The following SYPL1 variants were observed in gnomAD, a reference collection of about 807,000 sequenced individuals.
SYPL1 encodes synaptophysin like 1.
In SYPL1, 6 loss-of-function variants were observed where a neutral mutation model predicts 23.7. The ratio of observed to expected loss-of-function variants is 0.25; its 90% confidence interval spans 0.14 to 0.50. The LOEUF (loss-of-function observed/expected upper bound fraction) is 0.50, where lower values mean the gene tolerates loss of function less well. Ranked by LOEUF, SYPL1 falls within the 20% of genes least tolerant of loss-of-function variation. SYPL1 has a pLI of 0.98. For synonymous variants in SYPL1, 102 were observed against 104.5 expected (o/e 0.98, Z 0.15); for missense variants, 253 against 288.9 (o/e 0.88, Z 0.90).
intron 1 of SYPL1, among the ~76,000 whole-genome samples, chr7:106,102,096 C>CTTT (rs564357480): frequency 6.8e-6 from 1 of 147,034 alleles, no homozygotes; most frequent in Non-Finnish European, 1.5e-5. Flanking sequence ...AAGATTACAA[C>CTTT]TTTTTTTTTT....
rs1175221297 is a variant in SYPL1 at position 106,095,910 on chromosome 7, G to A, written c.402+1780C>T. Among the ~76,000 whole-genome samples, 1 of 151,988 alleles carries A rather than the reference G, an allele frequency of 6.6e-6. No homozygotes were observed. Among genetic ancestry groups the A allele is most frequent in the African/African-American group, 2.4e-5 (1 of 41,362 alleles). ...CAAAAACCACCTACAAAAATAGATT[G>A]GAATGCTGCTTTAAGAAGGGTAGTA... On this transcript the variant is annotated intron_variant, in intron 3 of 4. Transcript: ENST00000455385. This position sits in a 1 kb window ranked among gnomAD's most constrained non-coding sequence, Gnocchi z 4.3.
At position 106,096,987 on chromosome 7, in the gene SYPL1, G is replaced by C. The variant is rs1047020953; in HGVS notation, c.402+703C>G. Among the ~76,000 whole-genome samples the C allele has an allele frequency of 6.7e-6, 1 of 150,044 alleles. No individual in the cohort carries two copies. The highest frequency in any genetic ancestry group is 6.6e-5 in the Admixed American group (1 of 15,262). On this transcript the variant is annotated intron_variant, in intron 3 of 4. Transcript: ENST00000455385. This position sits in a 1 kb window ranked among gnomAD's most constrained non-coding sequence, Gnocchi z 4.4. ...CCCAGCACTTTGGGAGGCCAAGGCA[G>C]GCAGATCACTTGAGCCCAGGAGTTT...
chr7:106,110,643 A>G (rs1790097264), intron 1 of SYPL1, among the ~76,000 whole-genome samples: 1 of 152,236 alleles, frequency 6.6e-6, no homozygotes. Flanking sequence ...GTTCAAACTG[A>G]AAGTATTTCT....
chr7:106,097,776 A>G lies in SYPL1; in HGVS notation c.316T>C (p.Phe106Leu). ...GCAGCAATGCAGTACAGGAACACAA[A>G]GACTGCAAAGGTAACATAGAATTGT... Reference protein sequence around the residue: ...SAQFYVTFAVFVFLYCIAALL... With the variant: ...SAQFYVTFAVLVFLYCIAALL... The change falls in exon 3 of 5, where the codon TTT (phenylalanine) becomes CTT (leucine). Residue 106 changes from phenylalanine to leucine, a missense_variant. Physicochemically the swap from Phe to Leu is conservative, Grantham distance 22. Coordinates refer to ENST00000455385, the MANE Select transcript of SYPL1 (RefSeq NM_182715.4). The surrounding 1 kb of genome is among the most constrained non-coding windows in gnomAD (Gnocchi z 4.6). 1 of 1,614,108 alleles carries G rather than the reference A, an allele frequency of 6.2e-7. No homozygotes were observed. The highest frequency in any genetic ancestry group is 8.5e-7 in the Non-Finnish European group (1 of 1,179,970).
At chr7:106,106,394 C>A (rs750611289) in intron 1 of SYPL1, among the ~76,000 whole-genome samples, 1 of 151,424 alleles carries the variant, frequency 6.6e-6, no homozygotes, top group East Asian at 1.9e-4. Context: ...CTAAAAATAT[C>A]AAAAAAAATT....
intron 1 of SYPL1, among the ~76,000 whole-genome samples, chr7:106,106,299 G>A (rs1231095418): frequency 6.6e-6 from 1 of 152,112 alleles, no homozygotes; most frequent in Admixed American, 6.5e-5. Context: ...TGTAATCCCA[G>A]CACTTTGGGA....
intron 1 of SYPL1, among the ~76,000 whole-genome samples, chr7:106,108,200 T>C (rs1840712950): frequency 6.6e-6 from 1 of 152,136 alleles, no homozygotes; most frequent in Non-Finnish European, 1.5e-5. Context: ...TTTAAAAATT[T>C]AAAATATAAT....
rs774787949 is a variant in SYPL1, at chr7:106,099,313, G to GA, written c.70-32dup. 3.7e-4 allele frequency: 586 copies of GA among 1,577,054 alleles called. 3 individuals are homozygous for GA. Among genetic ancestry groups the GA allele is most frequent in the Non-Finnish European group, 5.2e-5 (61 of 1,166,916 alleles). On this transcript the variant is annotated intron_variant, in intron 1 of 4. Transcript: ENST00000455385. ...CAAAGTAAGATGAAAAAAGACAAAA[G>GA]AAAAAAAAGATAAGCAATACTACAA... is the stretch of plus-strand genomic sequence containing the variant.
At chr7:106,094,871 G>A (rs1241584559) in intron 3 of SYPL1, among the ~76,000 whole-genome samples, 1 of 152,070 alleles carries the variant, frequency 6.6e-6, no homozygotes, top group East Asian at 1.9e-4. Context: ...TGAAAATGAT[G>A]CACAAAGTAA....
At chr7:106,107,362 A>G (rs1340748066) in intron 1 of SYPL1, among the ~76,000 whole-genome samples, 1 of 152,238 alleles carries the variant, frequency 6.6e-6, no homozygotes, top group Non-Finnish European at 1.5e-5. Flanking sequence ...AAAGTGCTTC[A>G]GTTTCACTCT....
Position 106,112,164 on chromosome 7 carries a change from G to T in SYPL1, c.45C>A (p.Leu15=), listed in dbSNP as rs147008337. ...QINLNPLKEP[L]GFIKVLEWIA... is the part of the protein sequence containing the mutation. ...CCCACTCGAGGACCTTGATGAAGCC[G>T]AGTGGCTCCTTGAGCGGGTTGAGGT... Residue 15 remains leucine, a synonymous_variant, in exon 1 of 5, where the codon CTC becomes CTA. Coordinates refer to ENST00000455385, the MANE Select transcript of SYPL1 (RefSeq NM_182715.4). 175 of 1,543,866 alleles carry T rather than the reference G, an allele frequency of 1.1e-4. No homozygotes were observed. In the African/African-American group the frequency reaches 2.0e-3, roughly 18 times the overall value.
At chr7:106,094,666 A>G (rs916760420) in intron 3 of SYPL1, among the ~76,000 whole-genome samples, 1 of 152,184 alleles carries the variant, frequency 6.6e-6, no homozygotes, top group African/African-American at 2.4e-5. Flanking sequence ...AAAACTGATG[A>G]GTAACATGAG....
chr7:106,101,724 C>T (rs939518109), intron 1 of SYPL1, among the ~76,000 whole-genome samples: 3 of 146,892 alleles, frequency 2.0e-5, no homozygotes, highest in Non-Finnish European at 3.0e-5. Context: ...TGCATGAATA[C>T]ACAGAGTGAA....
At position 106,104,300 on chromosome 7, in the gene SYPL1, T is replaced by C. The variant is rs1190209670; in HGVS notation, c.70-5018A>G. Among the ~76,000 whole-genome samples the C allele has an allele frequency of 6.6e-6, 1 of 152,156 alleles. No homozygotes were observed. Among genetic ancestry groups the C allele is most frequent in the South Asian group, 2.1e-4 (1 of 4,830 alleles). On this transcript the variant is annotated intron_variant, in intron 1 of 4. Transcript: ENST00000455385. The surrounding 1 kb of genome is among the most constrained non-coding windows in gnomAD (Gnocchi z 4.1). The stretch of plus-strand genomic sequence containing the variant: ...GGCTTATGCCTGTAATTCCAACACT[T>C]TGGGAGGCCGTGGCAGGAGGATTGT...
In SYPL1 at chr7:106,109,254, G is replaced by A. The variant is rs199976765; in HGVS notation, c.69+2886C>T. 6.6e-6 allele frequency among the ~76,000 whole-genome samples: 1 copy of A among 151,852 alleles called. No homozygotes were observed. Among genetic ancestry groups the A allele is most frequent in the African/African-American group, 2.4e-5 (1 of 41,326 alleles). On this transcript the variant is annotated intron_variant, in intron 1 of 4. Transcript: ENST00000455385. The surrounding 1 kb of genome is among the most constrained non-coding windows in gnomAD (Gnocchi z 4.3). ...TAAGCTGAACTAGTGGCTTTTTTTT[G>A]TAACCACCAAATTTCTCCCATCTTC...
intron 1 of SYPL1, among the ~76,000 whole-genome samples, chr7:106,106,865 A>G (rs1840632146): frequency 6.6e-6 from 1 of 152,200 alleles, no homozygotes; most frequent in South Asian, 2.1e-4. Flanking sequence ...AATAAATAAA[A>G]TTTAAAAAGA....
At chr7:106,101,410 A>C in intron 1 of SYPL1, among the ~76,000 whole-genome samples, 1 of 122,988 alleles carries the variant, frequency 8.1e-6, no homozygotes, top group Admixed American at 8.5e-5. Context: ...CATTATAGTA[A>C]TTGTCAAGGG....
chr7:106,092,983 G>C lies in SYPL1; in HGVS notation c.557C>G (p.Ser186Cys). 6.2e-7 allele frequency: 1 copy of C among 1,609,532 alleles called. No individual in the cohort carries two copies. The highest frequency in any genetic ancestry group is 8.5e-7 in the Non-Finnish European group (1 of 1,178,206). The change falls in exon 4 of 5, where the codon TCT becomes TGT. Residue 186 changes from serine to cysteine, a missense_variant. Physicochemically the swap from Ser to Cys is moderately radical, Grantham distance 112. Coordinates refer to ENST00000455385, the MANE Select transcript of SYPL1 (RefSeq NM_182715.4). ...ATTTAGGGATCCCATACTGGTCACA[G>C]AGCCAAAGTAACACAGTACTGCTTT... ...KKKAVLCYFG[S>C]VTSMGSLNVS...
At chr7:106,101,350 T>C in intron 1 of SYPL1, among the ~76,000 whole-genome samples, 1 of 148,710 alleles carries the variant, frequency 6.7e-6, no homozygotes, top group Non-Finnish European at 1.5e-5. Flanking sequence ...CTTGACATAA[T>C]GCTTCCCATG....
Sources: allele counts gnomAD v4.1 joint callset (sites outside exome capture counted in the v4.1 genomes callset), GRCh38; gene constraint gnomAD v4.1.1; non-coding constraint Gnocchi (gnomAD v3.1); transcripts MANE v1.5; gene names NCBI Gene and HGNC (gene_info 2026-07-23, HGNC 2026-07-21).